The following COL8A1 variants were observed in gnomAD, a reference collection of about 807,000 sequenced individuals.
COL8A1 encodes the protein collagen type VIII alpha 1 chain.
In COL8A1, 21 loss-of-function variants were observed where a neutral mutation model predicts 42.7. The observed-to-expected ratio is 0.49, with a 90% confidence interval of 0.35 to 0.71. The LOEUF is 0.71. Ranked by LOEUF, COL8A1 falls within the 30% of genes least tolerant of loss-of-function variation. The pLI is 0.01. For missense variants in COL8A1, 788 were observed against 962.4 expected, an observed-to-expected ratio of 0.82 and a Z score of 2.40; for synonymous variants, 367 against 369.1, an observed-to-expected ratio of 0.99 and a Z score of 0.06.
At chr3:99,784,303 G>A (rs1941851103) in intron 2 of COL8A1, among the ~76,000 whole-genome samples, 2 of 152,120 alleles carry the variant, frequency 1.3e-5, no homozygotes, top group Non-Finnish European at 2.9e-5. Context: ...ATAAATATAG[G>A]ATGGGGATAT....
chr3:99,764,717 T>TTTTA (rs1941428943), intron 2 of COL8A1, among the ~76,000 whole-genome samples: 1 of 149,530 alleles, frequency 6.7e-6, no homozygotes, highest in African/African-American at 2.5e-5. Context: ...TTTTTTTTTT[T>TTTTA]GAGATGGAGT....
intron 1 of COL8A1, among the ~76,000 whole-genome samples, chr3:99,731,972 T>A (rs984539201): frequency 6.6e-6 from 1 of 152,088 alleles, no homozygotes; most frequent in African/African-American, 2.4e-5. Flanking sequence ...CTCTACAAGC[T>A]GAGAGACAGC....
At chr3:99,693,028 G>A (rs1219273648) in intron 1 of COL8A1, among the ~76,000 whole-genome samples, 6 of 152,244 alleles carry the variant, frequency 3.9e-5, no homozygotes, top group Admixed American at 6.5e-5. Context: ...GCGTGGTGGC[G>A]TGTGTTTGTA....
intron 1 of COL8A1, among the ~76,000 whole-genome samples, chr3:99,723,816 A>G (rs1699601223): frequency 6.6e-6 from 1 of 152,122 alleles, no homozygotes; most frequent in Admixed American, 6.6e-5. Flanking sequence ...TCCCAACACC[A>G]TCAGCCCTCT....
chr3:99,704,744 GAGTCTTATAAAGTGCATACTTTGTA>G (rs1436901597), intron 1 of COL8A1, among the ~76,000 whole-genome samples: 5 of 152,128 alleles, frequency 3.3e-5, no homozygotes, highest in Non-Finnish European at 7.4e-5. Context: ...GTACCAATCT[GAGTCTTATAAAGTGCATACTTTGTA>G]AGTCTTACAA....
intron 2 of COL8A1, among the ~76,000 whole-genome samples, chr3:99,773,835 A>ATTT (rs1300546434): frequency 1.9e-3 from 134 of 70,322 alleles, no homozygotes; most frequent in African/African-American, 2.3e-3. Context: ...ATATATATAT[A>ATTT]TATTTTTTTT....
intron 1 of COL8A1, among the ~76,000 whole-genome samples, chr3:99,716,869 A>G (rs532799771): frequency 2.6e-4 from 39 of 152,112 alleles, no homozygotes; most frequent in African/African-American, 9.4e-4. Flanking sequence ...AATTCCAGCC[A>G]TGGCATTTGA....
At chr3:99,668,111 G>C (rs1035172747) in intron 1 of COL8A1, among the ~76,000 whole-genome samples, 1 of 152,030 alleles carries the variant, frequency 6.6e-6, no homozygotes, top group African/African-American at 2.4e-5. Context: ...TAAAAAAATA[G>C]AAATGAGAAT....
rs1167861760 is a variant in COL8A1 at position 99,797,914 on chromosome 3, T to C, written c.*1778T>C. The C allele has an allele frequency of 6.6e-6, 1 of 152,158 alleles. No homozygotes were observed. Among genetic ancestry groups the C allele is most frequent in the Non-Finnish European group, 1.5e-5 (1 of 68,042 alleles). 9.4% of individuals were successfully genotyped at this position (152,158 alleles called of 1,614,324 possible). A position where few individuals can be genotyped will look rare whatever the true frequency, so the allele number is the denominator to read the frequency against. ...AACTGCTTTGGGCATTCTAATCTGG[T>C]CTCCAAACACCAAAGACCCATTTCG... On this transcript the variant is annotated 3_prime_UTR_variant, in exon 4 of 4. Coordinates refer to ENST00000652472, the MANE Select transcript of COL8A1 (RefSeq NM_020351.4).
rs1020414655 is a variant in COL8A1, at chr3:99,713,734, A to G, written c.-128-31163A>G. Among the ~76,000 whole-genome samples the G allele has an allele frequency of 5.3e-5, 8 of 152,026 alleles. No homozygotes were observed. In the South Asian group the frequency reaches 6.2e-4, roughly 12 times the overall value. ...TTGTTTCAATAAAGTTGCCACTGTA[A>G]TTGCTTGGCTTACCGTTTAAGAGTA... On this transcript the variant is annotated intron_variant, in intron 1 of 3. Coordinates refer to ENST00000652472, the MANE Select transcript of COL8A1 (RefSeq NM_020351.4).
At position 99,658,865 on chromosome 3, in the gene COL8A1, C is replaced by T. The variant is rs1230778922; in HGVS notation, c.-129+20201C>T. Reference sequence around the variant, plus strand: ...TGATAATCACATCACTCAATCAGTCCCTCTCATTCTCATTGTGGGCAAAGT... The same window carrying T: ...TGATAATCACATCACTCAATCAGTCTCTCTCATTCTCATTGTGGGCAAAGT... On this transcript the variant is annotated intron_variant, in intron 1 of 3. Coordinates refer to ENST00000652472, the MANE Select transcript of COL8A1 (RefSeq NM_020351.4). Among the ~76,000 whole-genome samples the T allele has an allele frequency of 3.9e-5, 6 of 152,024 alleles. No individual in the cohort carries two copies. The East Asian group carries it at 1.2e-3, about 29-fold the overall frequency.
rs76697761 is a variant in COL8A1 at position 99,777,765 on chromosome 3, C to G, written c.-3-12915C>G. Among the ~76,000 whole-genome samples, 502 of 152,282 alleles carry G rather than the reference C, an allele frequency of 3.3e-3. 2 individuals are homozygous for G. The highest frequency in any genetic ancestry group is 0.011 in the African/African-American group (460 of 41,538). On this transcript the variant is annotated intron_variant, in intron 2 of 3. Coordinates refer to ENST00000652472, the MANE Select transcript of COL8A1 (RefSeq NM_020351.4). Reference sequence around the variant, plus strand: ...AAACGAAGGAAAATTTCAATAAGAACCAAGCTGCCCCAATTCTCCCTTTAT... The same window carrying G: ...AAACGAAGGAAAATTTCAATAAGAAGCAAGCTGCCCCAATTCTCCCTTTAT...
intron 1 of COL8A1, among the ~76,000 whole-genome samples, chr3:99,693,435 A>T (rs1658439158): frequency 6.6e-6 from 1 of 152,260 alleles, no homozygotes; most frequent in African/African-American, 2.4e-5. Context: ...AAGTTCTTCC[A>T]GTGGGACAAG....
At chr3:99,759,856 T>C (rs1401257667) in intron 2 of COL8A1, among the ~76,000 whole-genome samples, 2 of 152,206 alleles carry the variant, frequency 1.3e-5, no homozygotes, top group African/African-American at 4.8e-5. Context: ...GCTGTAGGCT[T>C]GGGAGAGAAC....
At position 99,720,703 on chromosome 3, in the gene COL8A1, T is replaced by C. The variant is rs565638606; in HGVS notation, c.-128-24194T>C. 3.1e-4 allele frequency among the ~76,000 whole-genome samples: 47 copies of C among 152,270 alleles called. No homozygotes were observed. In the South Asian group the frequency reaches 9.1e-3, roughly 30 times the overall value. ...TGCTCTGAGCTCTGTGTGAATTGGC[T>C]CATCATAGCAAAATGAGCTTCTTAG... On this transcript the variant is annotated intron_variant, in intron 1 of 3. Coordinates refer to ENST00000652472, the MANE Select transcript of COL8A1 (RefSeq NM_020351.4).
intron 1 of COL8A1, among the ~76,000 whole-genome samples, chr3:99,692,702 A>C (rs1259961457): frequency 6.6e-6 from 1 of 152,246 alleles, no homozygotes; most frequent in African/African-American, 2.4e-5. Flanking sequence ...GTTTTGGTCA[A>C]CCACAGACCG....
At chr3:99,720,133 G>T (rs1185517852) in intron 1 of COL8A1, among the ~76,000 whole-genome samples, 1 of 152,082 alleles carries the variant, frequency 6.6e-6, no homozygotes, top group Non-Finnish European at 1.5e-5. Flanking sequence ...CTTATCAAAA[G>T]TAGATCCAAT....
chr3:99,739,566 C>T (rs889197422), intron 1 of COL8A1, among the ~76,000 whole-genome samples: 1 of 152,190 alleles, frequency 6.6e-6, no homozygotes, highest in African/African-American at 2.4e-5. Context: ...GCTGTGTACC[C>T]ACAGACTCAA....
chr3:99,649,909 A>G (rs894361049), intron 1 of COL8A1, among the ~76,000 whole-genome samples: 33 of 152,230 alleles, frequency 2.2e-4, no homozygotes, highest in African/African-American at 7.5e-4. Flanking sequence ...GGTGCTCCAT[A>G]TACCAGGTTA....
Sources: allele counts gnomAD v4.1 joint callset (sites outside exome capture counted in the v4.1 genomes callset), GRCh38; gene constraint gnomAD v4.1.1; transcripts MANE v1.5; gene names NCBI Gene and HGNC (gene_info 2026-07-23, HGNC 2026-07-21).